The following ALK variants were observed in gnomAD, a reference collection of about 807,000 sequenced individuals.
ALK encodes the protein ALK receptor tyrosine kinase.
Under a neutral mutation model 163.1 loss-of-function variants are expected in ALK, and 74 were observed. The ratio of observed to expected loss-of-function variants is 0.45; its 90% CI spans 0.38 to 0.55. The LOEUF (loss-of-function observed/expected upper bound fraction) is 0.55, where lower values mean the gene tolerates loss of function less well. ALK is among the 20% of genes least tolerant of loss of function. The pLI, the probability that ALK is intolerant of heterozygous loss-of-function variation, is 0.00. For missense variants in ALK, 2,063 were observed against 2,105.3 expected (o/e 0.98, Z 0.39); for synonymous variants, 960 against 843.2 (o/e 1.14, Z -2.40).
At chr2:29,590,853 C>T (rs1012513730) in intron 3 of ALK, among the ~76,000 whole-genome samples, 4 of 151,690 alleles carry the variant, frequency 2.6e-5, no homozygotes, top group Non-Finnish European at 5.9e-5. Flanking sequence ...GGGCGGATCA[C>T]GAGGTCAGGA....
chr2:29,876,087 A>T (rs867936161), intron 1 of ALK, among the ~76,000 whole-genome samples: 7 of 152,168 alleles, frequency 4.6e-5, no homozygotes, highest in African/African-American at 7.2e-5. Context: ...ATATTCTGTT[A>T]TCTACCCTGC....
intron 4 of ALK, among the ~76,000 whole-genome samples, chr2:29,395,801 C>T (rs1410834912): frequency 1.3e-5 from 2 of 152,158 alleles, no homozygotes; most frequent in Non-Finnish European, 2.9e-5. Flanking sequence ...AAGAAGAATC[C>T]AACAGCCAGG....
chr2:29,839,669 G>A (rs192686286), intron 1 of ALK, among the ~76,000 whole-genome samples: 111 of 152,016 alleles, frequency 7.3e-4, no homozygotes, highest in East Asian at 3.9e-4. Context: ...CTTCTTCTGC[G>A]TTCTCTGGAA....
chr2:29,529,426 C>G (rs1673056811), intron 4 of ALK, among the ~76,000 whole-genome samples: 1 of 152,360 alleles, frequency 6.6e-6, no homozygotes, highest in Non-Finnish European at 1.5e-5. Context: ...GAGCACTATG[C>G]TAGTGAGGTC....
At chr2:29,817,730 C>T (rs1419991342) in intron 1 of ALK, among the ~76,000 whole-genome samples, 2 of 152,072 alleles carry the variant, frequency 1.3e-5, no homozygotes, top group Non-Finnish European at 2.9e-5. Context: ...TTGTCCAAGT[C>T]CACATAGATG....
chr2:29,781,882 AG>A (rs1681339979), intron 1 of ALK, among the ~76,000 whole-genome samples: 1 of 152,172 alleles, frequency 6.6e-6, no homozygotes, highest in African/African-American at 2.4e-5. Context: ...GCCCACAGGG[AG>A]TTTCCTCTAG....
At chr2:29,477,968 A>G (rs2148115907) in intron 4 of ALK, among the ~76,000 whole-genome samples, 1 of 152,374 alleles carries the variant, frequency 6.6e-6, no homozygotes, top group South Asian at 2.1e-4. Context: ...ATTTTAAGCA[A>G]AAAAGAAAAA....
intron 11 of ALK, among the ~76,000 whole-genome samples, chr2:29,271,419 T>C (rs1665382638): frequency 6.6e-6 from 1 of 152,236 alleles, no homozygotes; most frequent in Non-Finnish European, 1.5e-5. Flanking sequence ...CCTGTCACCC[T>C]CACTTCTGGG....
chr2:29,531,855 T>G (rs11689790), intron 4 of ALK, 60 bp downstream of exon 4: 2 of 1,564,590 alleles, frequency 1.3e-6, no homozygotes, highest in East Asian at 2.2e-5. Context: ...TCTGGAAATG[T>G]GTAACCAAAA....
intron 3 of ALK, among the ~76,000 whole-genome samples, chr2:29,636,055 G>C (rs1454012860): frequency 6.6e-6 from 1 of 152,132 alleles, no homozygotes; most frequent in African/African-American, 2.4e-5. Flanking sequence ...AAAGGAACTA[G>C]AATAGCTAAA....
intron 11 of ALK, among the ~76,000 whole-genome samples, chr2:29,256,144 G>T (rs1007472870): frequency 6.6e-6 from 1 of 152,182 alleles, no homozygotes; most frequent in African/African-American, 2.4e-5. Flanking sequence ...AACCAGAGAG[G>T]CAAGAGAGTT....
chr2:29,279,447 G>A (rs1458291214), intron 9 of ALK, among the ~76,000 whole-genome samples: 1 of 152,292 alleles, frequency 6.6e-6, no homozygotes, highest in African/African-American at 2.4e-5. Flanking sequence ...TGGGACAAAG[G>A]TGAGCTGCTG....
rs79526819 is a variant in ALK, at chr2:29,406,224, G to A, written c.1155-22365C>T. The stretch of plus-strand genomic sequence containing the variant: ...GATGGAATGTAGGGAAGTCTGGGGC[G>A]GCCTCTATAGCAAAGGCTGAAGGAA... On this transcript the variant is annotated intron_variant, in intron 4 of 28. Coordinates refer to ENST00000389048, the MANE Select transcript of ALK (RefSeq NM_004304.5). Among the ~76,000 whole-genome samples the A allele has an allele frequency of 2.2e-3, 338 of 152,232 alleles. 3 individuals carry two copies. In the East Asian group the frequency reaches 0.035, roughly 16 times the overall value.
chr2:29,729,043 C>G (rs896667297), intron 1 of ALK, among the ~76,000 whole-genome samples: 1 of 152,212 alleles, frequency 6.6e-6, no homozygotes, highest in Non-Finnish European at 1.5e-5. Flanking sequence ...AGGGACCCTC[C>G]TGCCTTTTCT....
intron 3 of ALK, among the ~76,000 whole-genome samples, chr2:29,536,983 A>G (rs1483401643): frequency 6.6e-6 from 1 of 152,244 alleles, no homozygotes; most frequent in Non-Finnish European, 1.5e-5. Flanking sequence ...TGAGTGGTCT[A>G]GCTGCTTCTA....
intron 3 of ALK, among the ~76,000 whole-genome samples, chr2:29,617,714 G>A (rs1465118646): frequency 6.6e-6 from 1 of 152,108 alleles, no homozygotes; most frequent in Non-Finnish European, 1.5e-5. Flanking sequence ...TTGCTGTATC[G>A]GGAGCACTAT....
At chr2:29,586,787 C>T (rs1443269651) in intron 3 of ALK, among the ~76,000 whole-genome samples, 2 of 152,200 alleles carry the variant, frequency 1.3e-5, no homozygotes. Context: ...GAACAGGACT[C>T]AAATTTCACC....
chr2:29,200,854 C>T (rs62130564), intron 26 of ALK, among the ~76,000 whole-genome samples: 44 of 144,178 alleles, frequency 3.1e-4, no homozygotes, highest in African/African-American at 9.4e-4. Flanking sequence ...TATATAGATA[C>T]GTATATATAT....
chr2:29,649,570 G>A (rs556184009), intron 3 of ALK, among the ~76,000 whole-genome samples: 2 of 152,250 alleles, frequency 1.3e-5, no homozygotes, highest in South Asian at 4.2e-4. Flanking sequence ...TTTCTCTGGG[G>A]CATGCCAGTC....
Sources: gnomAD v4.1 joint callset for allele counts (sites outside exome capture counted in the v4.1 genomes callset) on GRCh38, gnomAD v4.1.1 for gene constraint, MANE v1.5 for transcripts, NCBI Gene and HGNC (gene_info 2026-07-23, HGNC 2026-07-21) for gene names.